MED15: variants seen among roughly 807,000 people sequenced by gnomAD.
MED15 encodes the protein mediator complex subunit 15, also known as mediator of RNA polymerase II transcription subunit 15.
A neutral mutation model predicts 118.7 loss-of-function variants in MED15; 41 were observed. The ratio of observed to expected loss-of-function variants is 0.35; its 90% CI spans 0.27 to 0.45. The LOEUF is 0.45. MED15 is among the 20% of genes least tolerant of loss of function. The probability of loss-of-function intolerance (pLI) is 1.00; values close to 1 mark genes in which losing one functional copy is unlikely to be tolerated. For missense variants in MED15, 740 were observed against 1,025.5 expected, an observed-to-expected ratio of 0.72 and a Z score of 3.80; for synonymous variants, 436 against 413.9, an observed-to-expected ratio of 1.05 and a Z score of -0.65.
chr22:20,520,680 C>G (rs147571222), intron 1 of MED15, among the ~76,000 whole-genome samples: 1 of 152,202 alleles, frequency 6.6e-6, no homozygotes, highest in African/African-American at 2.4e-5. Context: ...AAACTGTGCA[C>G]CACTCTTCTG....
At chr22:20,569,310 A>G (rs1272247406) in intron 8 of MED15, among the ~76,000 whole-genome samples, 7 of 152,196 alleles carry the variant, frequency 4.6e-5, no homozygotes, top group Non-Finnish European at 7.3e-5. Context: ...GGAGACGTAC[A>G]GTCTGGGGCT....
intron 8 of MED15, among the ~76,000 whole-genome samples, chr22:20,570,709 CTCTTT>C (rs2056617441): frequency 7.2e-6 from 1 of 139,372 alleles, no homozygotes; most frequent in South Asian, 2.4e-4. Context: ...CTCTTCTCTT[CTCTTT>C]TTTCTCTTTT....
intron 8 of MED15, among the ~76,000 whole-genome samples, chr22:20,570,562 T>C (rs1260269611): frequency 6.6e-6 from 1 of 151,088 alleles, no homozygotes; most frequent in African/African-American, 2.4e-5. Flanking sequence ...TGGCTAATTT[T>C]TGTATTTTTA....
At position 20,560,543 on chromosome 22, in the gene MED15, A is replaced by G. The variant is rs185708538; in HGVS notation, c.452-3907A>G. Among the ~76,000 whole-genome samples the G allele has an allele frequency of 1.5e-3, 232 of 152,192 alleles. 3 individuals carry two copies. Among genetic ancestry groups the G allele is most frequent in the African/African-American group, 4.6e-3 (192 of 41,522 alleles). The stretch of plus-strand genomic sequence containing the variant: ...CTCCCAAAGTGCTGGGATTACAGGC[A>G]TGAGCCTCCGCGCCTGGCCTATTAT... On this transcript the variant is annotated intron_variant, in intron 5 of 17. Transcript: ENST00000263205.
intron 1 of MED15, 76 bp from the exon 2 acceptor site, chr22:20,537,041 A>C: frequency 7.3e-7 from 1 of 1,370,592 alleles, no homozygotes. Flanking sequence ...GCTGCTATGC[A>C]GGGCCTGTTG....
At position 20,587,120 on chromosome 22, in the gene MED15, AAC is replaced by A. The variant is rs1319927314; in HGVS notation, c.*422_*423del. 3.8e-5 allele frequency: 7 copies of A among 185,408 alleles called. No homozygotes were observed. The highest frequency in any genetic ancestry group is 7.9e-5 in the Non-Finnish European group (7 of 88,140). 11.5% of individuals were successfully genotyped at this position (185,408 alleles called of 1,614,324 possible). On this transcript the variant is annotated 3_prime_UTR_variant, in exon 18 of 18. Coordinates refer to ENST00000263205, the MANE Select transcript of MED15 (RefSeq NM_001003891.3). ...CACAGAGGACATAGGAAACCCTTAA[AAC>A]ACACATGGGATTCTCTGGTCACAGT...
chr22:20,536,497 A>G (rs1027546164), intron 1 of MED15, among the ~76,000 whole-genome samples: 3 of 152,242 alleles, frequency 2.0e-5, no homozygotes, highest in Non-Finnish European at 4.4e-5. Flanking sequence ...AATTGTTGGT[A>G]AATGGGTTTT....
At chr22:20,582,573 C>A in intron 9 of MED15, 38 bp from the exon 10 acceptor site, 1 of 1,535,674 alleles carries the variant, frequency 6.5e-7, no homozygotes, top group Non-Finnish European at 8.7e-7. Context: ...GGCGGGCGGG[C>A]GTGTGGCAGC....
chr22:20,531,096 T>C (rs1422527120), intron 1 of MED15, among the ~76,000 whole-genome samples: 1 of 152,154 alleles, frequency 6.6e-6, no homozygotes, highest in Non-Finnish European at 1.5e-5. Context: ...CGCTGCCAGA[T>C]GGGTTGAGGG....
chr22:20,584,835 C>T lies in MED15; in HGVS notation c.1804-20C>T, dbSNP rs375146499. ...AACCCTCGGGTCCCGGGCTGCTGAC[C>T]GTGCCCATCCTGTCTCCAGCCCACT... On this transcript the variant is annotated intron_variant, in intron 14 of 17. Coordinates refer to ENST00000263205, the MANE Select transcript of MED15 (RefSeq NM_001003891.3). The T allele has an allele frequency of 6.2e-6, 10 of 1,609,804 alleles. No individual in the cohort carries two copies. The highest frequency in any genetic ancestry group is 4.4e-5 in the South Asian group (4 of 90,996).
intron 9 of MED15, chr22:20,582,357 G>A (rs2057011549): frequency 1.7e-6 from 1 of 579,108 alleles, no homozygotes. Flanking sequence ...CAAAGCCTGT[G>A]CCCCTGTGGG....
chr22:20,521,860 G>A (rs1160190790), intron 1 of MED15, among the ~76,000 whole-genome samples: 1 of 151,804 alleles, frequency 6.6e-6, no homozygotes. Flanking sequence ...AGAGTAGCTG[G>A]GACTACAGGC....
intron 4 of MED15, chr22:20,554,662 A>G (rs1254166487): frequency 3.1e-6 from 1 of 320,296 alleles, no homozygotes; most frequent in Non-Finnish European, 5.7e-6. Flanking sequence ...TCTTTAGTGT[A>G]TCTGCAGGCA....
intron 7 of MED15, 37 bp from the exon 8 acceptor site, chr22:20,568,484 G>T: frequency 6.2e-7 from 1 of 1,606,006 alleles, no homozygotes; most frequent in South Asian, 1.1e-5. Context: ...CTCTGACCCA[G>T]GTGGTTCCAA....
At chr22:20,578,614 A>G (rs2056890921) in intron 9 of MED15, among the ~76,000 whole-genome samples, 1 of 152,140 alleles carries the variant, frequency 6.6e-6, no homozygotes. Context: ...AAGAGAGCTT[A>G]TCTCAGGAAC....
chr22:20,572,848 C>T (rs1301249242), intron 8 of MED15, among the ~76,000 whole-genome samples: 1 of 152,160 alleles, frequency 6.6e-6, no homozygotes, highest in African/African-American at 2.4e-5. Flanking sequence ...TCGTGCAAGC[C>T]CAGGGGTTTG....
rs2057117513 is a variant in MED15 at position 20,585,767 on chromosome 22, G to A, written c.2171G>A (p.Ser724Asn). The change falls in exon 17 of 18, where the codon AGT becomes AAT. Residue 724 changes from serine to asparagine, a missense_variant. This residue lies in a region of MED15 where 179 missense variants were observed against 259.0 expected (regional missense o/e 0.69). Coordinates refer to ENST00000263205, the MANE Select transcript of MED15 (RefSeq NM_001003891.3). ...CCAAGTGTGCCACCACTGGAGCTCAGTGTGCCCGCTGACTATCCTGCCCAA... is the reference window on the plus strand; with the variant it reads ...CCAAGTGTGCCACCACTGGAGCTCAATGTGCCCGCTGACTATCCTGCCCAA... Reference protein sequence around the residue: ...DLPSVPPLELSVPADYPAQSP... With the variant: ...DLPSVPPLELNVPADYPAQSP... 1 of 1,613,514 alleles carries A rather than the reference G, an allele frequency of 6.2e-7. No homozygotes were observed. The highest frequency in any genetic ancestry group is 8.5e-7 in the Non-Finnish European group (1 of 1,180,014).
At position 20,566,730 on chromosome 22, in the gene MED15, C is replaced by T; in HGVS notation, c.954C>T (p.Leu318=). Residue 318 remains leucine (L), a synonymous_variant, in exon 7 of 18, where the codon CTC becomes CTT. Coordinates refer to ENST00000263205, the MANE Select transcript of MED15 (RefSeq NM_001003891.3). ...PPVAQNQPSQ[L]PPQSQTQPLV... Reference sequence around the variant, plus strand: ...TTGCTCAGAACCAACCATCACAACTCCCGCCACAGTCGCAGACCCAGCCTT... The same window carrying T: ...TTGCTCAGAACCAACCATCACAACTTCCGCCACAGTCGCAGACCCAGCCTT... The T allele has an allele frequency of 6.2e-7, 1 of 1,614,192 alleles. No individual in the cohort carries two copies. Among genetic ancestry groups the T allele is most frequent in the Non-Finnish European group, 8.5e-7 (1 of 1,180,042 alleles).
chr22:20,536,997 G>C (rs752836790), intron 1 of MED15, 120 bp from the exon 2 acceptor site: 1 of 800,514 alleles, frequency 1.2e-6, no homozygotes, highest in African/African-American at 1.7e-5. Context: ...AGCCAGGCTG[G>C]TGTGCTGGCG....
Sources: gnomAD v4.1 joint callset for allele counts (sites outside exome capture counted in the v4.1 genomes callset) on GRCh38, gnomAD v4.1.1 for gene constraint, gnomAD v4.1.1 regional missense constraint, MANE v1.5 for transcripts, NCBI Gene and HGNC (gene_info 2026-07-23, HGNC 2026-07-21) for gene names.